FRMPD4: variants seen among roughly 807,000 people sequenced by gnomAD.
The protein encoded by FRMPD4 is FERM and PDZ domain containing 4.
A neutral mutation model predicts 94.1 loss-of-function variants in FRMPD4; 22 were observed. That is an observed-to-expected ratio of 0.23 (90% CI 0.17 to 0.33). FRMPD4 has a LOEUF of 0.33. Ranked by LOEUF, FRMPD4 falls within the 10% of genes least tolerant of loss-of-function variation. The pLI, the probability that FRMPD4 is intolerant of heterozygous loss-of-function variation, is 1.00. For missense variants in FRMPD4, 1,111 were observed against 1,339.9 expected (o/e 0.83, Z 2.67); for synonymous variants, 631 against 548.6 (o/e 1.15, Z -2.10).
intron 3 of FRMPD4, among the ~76,000 whole-genome samples, chrX:11,943,055 C>G (rs56381255): frequency 0.04 from 4,517 of 111,886 alleles, 245 homozygotes; most frequent in African/African-American, 0.14. Context: ...ATTTCACAAT[C>G]AGTAGACCTT....
chrX:12,138,091 C>A (rs2055626613), upstream of FRMPD4, among the ~76,000 whole-genome samples: 1 of 112,222 alleles, frequency 8.9e-6, no homozygotes, highest in Admixed American at 9.3e-5. Flanking sequence ...CCCAGCCAGC[C>A]CAGTGGTCAC....
chrX:12,041,208 A>G (rs2054752752), intron 3 of FRMPD4, among the ~76,000 whole-genome samples: 1 of 112,254 alleles, frequency 8.9e-6, no homozygotes, highest in Non-Finnish European at 1.9e-5. Flanking sequence ...CATTAAGAGA[A>G]GAAAAGATAA....
At position 12,513,165 on chromosome X, in the gene FRMPD4, T is replaced by TTGTA. The variant is rs1333036058; in HGVS notation, c.158+14373_158+14376dup. 3.6e-5 allele frequency among the ~76,000 whole-genome samples: 4 copies of TTGTA among 112,328 alleles called. No individual in the cohort carries two copies. In the East Asian group the frequency reaches 1.1e-3, roughly 31 times the overall value. On this transcript the variant is annotated intron_variant, in intron 2 of 16. Transcript: ENST00000675598. ...CAAAAATTTTCTCCCATTCTATATA[T>TTGTA]TGTATGTTCACTCTGATGATAGTTT...
intron 3 of FRMPD4, among the ~76,000 whole-genome samples, chrX:11,965,333 G>T (rs184014665): frequency 2.2e-3 from 250 of 111,971 alleles, no homozygotes; most frequent in African/African-American, 8.0e-3. Flanking sequence ...GGTTGAATTT[G>T]GGCTAAATGC....
chrX:11,823,470 G>A (rs775796401), intron 1 of FRMPD4, among the ~76,000 whole-genome samples: 1 of 110,638 alleles, frequency 9.0e-6, no homozygotes, highest in Non-Finnish European at 1.9e-5. Context: ...AGATCACACT[G>A]CCAGCTGAGA....
At chrX:12,294,327 G>C (rs961241272) in intron 1 of FRMPD4, among the ~76,000 whole-genome samples, 4 of 111,405 alleles carry the variant, frequency 3.6e-5, no homozygotes, top group African/African-American at 1.3e-4. Flanking sequence ...ACCAAACAGG[G>C]ACATAGATAT....
intron 3 of FRMPD4, among the ~76,000 whole-genome samples, chrX:11,922,411 T>C (rs1302748416): frequency 1.8e-5 from 2 of 111,441 alleles, no homozygotes; most frequent in Non-Finnish European, 3.8e-5. Flanking sequence ...AAACCTTTCA[T>C]GAGAAACCTA....
intron 3 of FRMPD4, among the ~76,000 whole-genome samples, chrX:12,011,977 T>C (rs939270005): frequency 6.4e-5 from 7 of 109,260 alleles, no homozygotes; most frequent in Non-Finnish European, 1.3e-4. Context: ...CTCAACTCAC[T>C]GCAACCTCCG....
chrX:12,441,757 C>T (rs2057139832), intron 1 of FRMPD4, among the ~76,000 whole-genome samples: 1 of 112,153 alleles, frequency 8.9e-6, no homozygotes, highest in Admixed American at 9.4e-5. Context: ...TGTCAACTTC[C>T]AGGTACTAAG....
chrX:12,631,294 G>GA (rs1300180170), intron 4 of FRMPD4, among the ~76,000 whole-genome samples: 2 of 111,794 alleles, frequency 1.8e-5, no homozygotes, highest in East Asian at 5.6e-4. Flanking sequence ...GAATTGGAAA[G>GA]AAAGAAGTGT....
chrX:11,978,321 CAAAAAAAAAAAAAAAA>C (rs1172824155), intron 3 of FRMPD4, among the ~76,000 whole-genome samples: 1 of 16,365 alleles, frequency 6.1e-5, no homozygotes, highest in Non-Finnish European at 1.0e-4. Flanking sequence ...AACTCCATCT[CAAAAAAAAAAAAAAAA>C]AAAAAAAAAA....
chrX:12,681,910 C>A (rs1468026295), intron 5 of FRMPD4, among the ~76,000 whole-genome samples: 1 of 111,712 alleles, frequency 9.0e-6, no homozygotes, highest in Non-Finnish European at 1.9e-5. Flanking sequence ...TTTTTCATCA[C>A]CCTGAAAGGA....
intron 4 of FRMPD4, among the ~76,000 whole-genome samples, chrX:12,635,581 C>T (rs936023032): frequency 5.4e-5 from 6 of 111,111 alleles, no homozygotes; most frequent in African/African-American, 1.6e-4. Context: ...ACTGCTACCC[C>T]GGGGGGTGGA....
intron 1 of FRMPD4, among the ~76,000 whole-genome samples, chrX:12,485,148 T>A (rs1235242306): frequency 8.9e-6 from 1 of 112,326 alleles, no homozygotes; most frequent in East Asian, 2.8e-4. Flanking sequence ...GGAGATGCCA[T>A]TATTGGATGT....
chrX:12,027,647 G>A (rs1002767721), intron 3 of FRMPD4, among the ~76,000 whole-genome samples: 1 of 111,767 alleles, frequency 8.9e-6, no homozygotes, highest in Non-Finnish European at 1.9e-5. Context: ...TTCAGTCCTT[G>A]ATTCTTTTAA....
intron 3 of FRMPD4, among the ~76,000 whole-genome samples, chrX:12,003,495 C>A (rs922609132): frequency 1.8e-5 from 2 of 111,264 alleles, no homozygotes; most frequent in African/African-American, 6.5e-5. Context: ...TTCACTGTAA[C>A]CTTCACCTCA....
intron 11 of FRMPD4, among the ~76,000 whole-genome samples, chrX:12,705,648 G>C (rs1036013595): frequency 1.8e-5 from 2 of 110,753 alleles, no homozygotes; most frequent in Admixed American, 9.7e-5. Context: ...CAGAGATGTA[G>C]CAAGATGATG....
intron 3 of FRMPD4, among the ~76,000 whole-genome samples, chrX:11,975,770 C>G (rs769027203): frequency 8.9e-6 from 1 of 111,837 alleles, no homozygotes; most frequent in South Asian, 3.8e-4. Flanking sequence ...TTACTGCCCA[C>G]TTACCTGTTG....
chrX:12,570,537 C>A (rs2058751963), intron 2 of FRMPD4, among the ~76,000 whole-genome samples: 1 of 89,012 alleles, frequency 1.1e-5, no homozygotes, highest in African/African-American at 4.2e-5. Flanking sequence ...AACTCCTGAC[C>A]TTGTGATCTA....
Sources: gnomAD v4.1 joint callset for allele counts (sites outside exome capture counted in the v4.1 genomes callset) on GRCh38, gnomAD v4.1.1 for gene constraint, MANE v1.5 for transcripts, NCBI Gene and HGNC (gene_info 2026-07-23, HGNC 2026-07-21) for gene names.